CAMTA1: variants seen among roughly 807,000 people sequenced by gnomAD.
CAMTA1 encodes calmodulin-binding transcription activator 1.
Under a neutral mutation model 170.9 loss-of-function variants are expected in CAMTA1, and 27 were observed. That is an observed-to-expected ratio of 0.16 (90% CI 0.12 to 0.22). The LOEUF (loss-of-function observed/expected upper bound fraction) is 0.22, where lower values mean the gene tolerates loss of function less well. CAMTA1 is among the 10% of genes least tolerant of loss of function. The pLI is 1.00. For synonymous variants in CAMTA1, 833 were observed against 891.5 expected (o/e 0.93, Z 1.17); for missense variants, 1,619 against 2,217.2 (o/e 0.73, Z 5.42).
intron 6 of CAMTA1, among the ~76,000 whole-genome samples, chr1:7,500,496 G>C (rs2093987258): frequency 6.6e-6 from 1 of 152,068 alleles, no homozygotes; most frequent in Non-Finnish European, 1.5e-5. Flanking sequence ...CTCTCTGCAG[G>C]TCTGGAGACC....
At chr1:7,563,159 G>A (rs1397428980) in intron 6 of CAMTA1, among the ~76,000 whole-genome samples, 1 of 152,228 alleles carries the variant, frequency 6.6e-6, no homozygotes, top group Non-Finnish European at 1.5e-5. Context: ...AGGCATCGGG[G>A]CAGCCCCATG....
Position 7,435,771 on chromosome 1 carries a change from C to T in CAMTA1, c.439-32059C>T, listed in dbSNP as rs1280620625. 1.3e-5 allele frequency among the ~76,000 whole-genome samples: 2 copies of T among 152,322 alleles called. No homozygotes were observed. The highest frequency in any genetic ancestry group is 6.5e-5 in the Admixed American group (1 of 15,302). On this transcript the variant is annotated intron_variant, in intron 5 of 22. Coordinates refer to ENST00000303635, the MANE Select transcript of CAMTA1 (RefSeq NM_015215.4). The surrounding 1 kb of genome is among the most constrained non-coding windows in gnomAD (Gnocchi z 4.4). ...GGGGCCCGCCTATCTGAAGTCAGGG[C>T]AATCCACGCAGAGAGCCCTCCTCAT...
chr1:6,992,915 A>C (rs1696626108), intron 3 of CAMTA1, among the ~76,000 whole-genome samples: 1 of 152,244 alleles, frequency 6.6e-6, no homozygotes, highest in Admixed American at 6.5e-5. Flanking sequence ...GTATGGTGTA[A>C]GGTAGGAGAC....
chr1:7,330,063 A>G (rs1033087291), intron 5 of CAMTA1, among the ~76,000 whole-genome samples: 1 of 152,100 alleles, frequency 6.6e-6, no homozygotes, highest in African/African-American at 2.4e-5. Context: ...GCTTCTAGGC[A>G]GGCAGCAGAC....
Position 7,738,698 on chromosome 1 carries a change from C to T in CAMTA1, c.4182+216C>T, listed in dbSNP as rs185373516. 6.6e-6 allele frequency among the ~76,000 whole-genome samples: 1 copy of T among 152,276 alleles called. No individual in the cohort carries two copies. Among genetic ancestry groups the T allele is most frequent in the East Asian group, 1.9e-4 (1 of 5,178 alleles). ...AGTAGGGCCTGAATACCAGTGACCC[C>T]GGTCTCAGCAAAGCCTTCCCTCTTT... On this transcript the variant is annotated intron_variant, in intron 16 of 22. Coordinates refer to ENST00000303635, the MANE Select transcript of CAMTA1 (RefSeq NM_015215.4). This position sits in a 1 kb window ranked among gnomAD's most constrained non-coding sequence, Gnocchi z 4.9.
intron 5 of CAMTA1, among the ~76,000 whole-genome samples, chr1:7,450,974 G>A (rs1029992044): frequency 1.6e-4 from 25 of 152,184 alleles, no homozygotes; most frequent in Non-Finnish European, 3.1e-4. Flanking sequence ...CGGGGAGGTC[G>A]GCGAAGGTGT....
At chr1:7,193,809 C>T (rs1655001623) in intron 4 of CAMTA1, among the ~76,000 whole-genome samples, 2 of 152,182 alleles carry the variant, frequency 1.3e-5, no homozygotes, top group Admixed American at 1.3e-4. Context: ...AACTTCTCCT[C>T]CGAGTGCTCC....
chr1:7,310,655 C>CT (rs1240255920), intron 5 of CAMTA1, among the ~76,000 whole-genome samples: 17 of 45,000 alleles, frequency 3.8e-4, no homozygotes, highest in African/African-American at 1.8e-3. Flanking sequence ...TTTTTTCTTT[C>CT]TTTCTTTCTT....
At chr1:7,308,922 A>T (rs932901734) in intron 5 of CAMTA1, among the ~76,000 whole-genome samples, 3 of 152,224 alleles carry the variant, frequency 2.0e-5, no homozygotes, top group Non-Finnish European at 4.4e-5. Flanking sequence ...TGAAGCTTCC[A>T]GCTATAGTTG....
intron 4 of CAMTA1, among the ~76,000 whole-genome samples, chr1:7,211,822 C>T (rs1658822241): frequency 6.6e-6 from 1 of 152,202 alleles, no homozygotes. Flanking sequence ...AGGATACATT[C>T]ATAGATACAC....
At chr1:7,723,379 C>A (rs570464619) in intron 11 of CAMTA1, among the ~76,000 whole-genome samples, 4 of 152,182 alleles carry the variant, frequency 2.6e-5, no homozygotes, top group South Asian at 4.1e-4. Flanking sequence ...CAGATTGTGA[C>A]CCAAAGTTTA....
intron 7 of CAMTA1, among the ~76,000 whole-genome samples, chr1:7,650,397 TGATGGAGTC>T (rs2095840979): frequency 1.3e-5 from 2 of 152,196 alleles, no homozygotes; most frequent in South Asian, 2.1e-4. Flanking sequence ...TATTTCCTGA[TGATGGAGTC>T]ACTGGCCGGG....
At chr1:7,686,872 A>G (rs1257179174) in intron 11 of CAMTA1, among the ~76,000 whole-genome samples, 1 of 152,084 alleles carries the variant, frequency 6.6e-6, no homozygotes, top group East Asian at 1.9e-4. Context: ...GACAATGAGT[A>G]ATAATGCCTA....
At chr1:7,101,925 AAC>A (rs1450371156) in intron 4 of CAMTA1, among the ~76,000 whole-genome samples, 4 of 152,164 alleles carry the variant, frequency 2.6e-5, no homozygotes, top group Admixed American at 1.3e-4. Context: ...ATGTACACAC[AAC>A]ACACATGCAC....
In CAMTA1 at chr1:7,580,779, G is replaced by T. The variant is rs1185878814; in HGVS notation, c.511-59621G>T. Among the ~76,000 whole-genome samples the T allele has an allele frequency of 6.6e-6, 1 of 152,178 alleles. No homozygotes were observed. Among genetic ancestry groups the T allele is most frequent in the African/African-American group, 2.4e-5 (1 of 41,528 alleles). On this transcript the variant is annotated intron_variant, in intron 6 of 22. Coordinates refer to ENST00000303635, the MANE Select transcript of CAMTA1 (RefSeq NM_015215.4). The surrounding 1 kb of genome is among the most constrained non-coding windows in gnomAD (Gnocchi z 4.3). ...TTTGACTCTGGCTTTGGAGGGTTTG[G>T]TTATCTCCTCCCCAACCAAGATCTC...
At chr1:7,268,019 A>G (rs1194489227) in intron 5 of CAMTA1, among the ~76,000 whole-genome samples, 1 of 152,220 alleles carries the variant, frequency 6.6e-6, no homozygotes, top group Non-Finnish European at 1.5e-5. Context: ...AGAACACTGG[A>G]CACAATATAG....
intron 6 of CAMTA1, among the ~76,000 whole-genome samples, chr1:7,498,959 A>G (rs2093903424): frequency 1.5e-5 from 2 of 132,094 alleles, no homozygotes; most frequent in Non-Finnish European, 1.6e-5. Context: ...GAGTGTGTAG[A>G]GAGGATTGTG....
chr1:7,384,050 C>T (rs954139605), intron 5 of CAMTA1, among the ~76,000 whole-genome samples: 2 of 152,162 alleles, frequency 1.3e-5, no homozygotes, highest in African/African-American at 2.4e-5. Context: ...TGGGCTGCCA[C>T]GCCCTGCTCC....
rs148679567 is a variant in CAMTA1 at position 7,489,073 on chromosome 1, C to T, written c.510+21172C>T. On this transcript the variant is annotated intron_variant, in intron 6 of 22. Coordinates refer to ENST00000303635, the MANE Select transcript of CAMTA1 (RefSeq NM_015215.4). ...GGGTAAATCTGAGCTCTCCCCACCT[C>T]AGTCACCTTCGGCAACAGCTACCAC... 6.5e-3 allele frequency among the ~76,000 whole-genome samples: 983 copies of T among 152,334 alleles called. 11 individuals are homozygous for T. Among genetic ancestry groups the T allele is most frequent in the African/African-American group, 0.021 (858 of 41,566 alleles).
Sources: allele counts gnomAD v4.1 joint callset (sites outside exome capture counted in the v4.1 genomes callset), GRCh38; gene constraint gnomAD v4.1.1; non-coding constraint Gnocchi (gnomAD v3.1); transcripts MANE v1.5; gene names NCBI Gene and HGNC (gene_info 2026-07-23, HGNC 2026-07-21).